Variants in PHF20L1 observed in about 807,000 individuals in gnomAD.
PHF20L1 encodes the protein PHD finger protein 20-like protein 1.
PHF20L1 carries 44 observed loss-of-function variants against 125.5 expected under a neutral mutation model. The observed-to-expected ratio is 0.35, with a 90% CI of 0.28 to 0.45. The LOEUF (loss-of-function observed/expected upper bound fraction) is 0.45. Ranked by LOEUF, PHF20L1 falls within the 20% of genes least tolerant of loss-of-function variation. The pLI is 1.00. For missense variants in PHF20L1, 1,012 were observed against 1,217.2 expected (o/e 0.83, Z 2.51); for synonymous variants, 380 against 403.1 (o/e 0.94, Z 0.69).
intron 9 of PHF20L1, chr8:132,812,849 C>CCTGT: frequency 2.0e-6 from 2 of 981,134 alleles, no homozygotes; most frequent in Non-Finnish European, 2.4e-6. Context: ...TGATAACAGG[C>CCTGT]CTGTAGTCAA....
In PHF20L1 at chr8:132,824,011, G is replaced by A. The variant is rs532278618; in HGVS notation, c.1587G>A (p.Ser529=). The change falls in exon 13 of 21, where the codon TCG becomes TCA. Residue 529 remains serine, a synonymous_variant. Transcript: ENST00000395386. ...GRGAPAAAGI[S]KTEKKVKLED... ...TTTTCCCCTAACCCACAGGAATATC[G>A]AAAACAGAAAAAAAAGTGAAATTGG... 24 of 1,591,812 alleles carry A rather than the reference G, an allele frequency of 1.5e-5. No homozygotes were observed. The highest frequency in any genetic ancestry group is 1.2e-4 in the South Asian group (11 of 89,636).
intron 7 of PHF20L1, 134 bp downstream of exon 7, chr8:132,804,166 G>A (rs1314572663): frequency 1.6e-6 from 1 of 637,086 alleles, no homozygotes; most frequent in Non-Finnish European, 2.7e-6. Context: ...TAATATGATG[G>A]CTAACTTTTT....
chr8:132,832,482 C>A, intron 15 of PHF20L1, 83 bp downstream of exon 15: 1 of 964,004 alleles, frequency 1.0e-6, no homozygotes, highest in Non-Finnish European at 1.6e-6. Flanking sequence ...CTGTTAAGAG[C>A]ATGCGATTTA....
At chr8:132,817,583 A>C (rs1349932760) in intron 12 of PHF20L1, 38 bp downstream of exon 12, 2 of 1,435,480 alleles carry the variant, frequency 1.4e-6, no homozygotes, top group East Asian at 2.4e-5. Context: ...TAAGTAGATA[A>C]GTAGCTAGGC....
intron 14 of PHF20L1, among the ~76,000 whole-genome samples, chr8:132,831,779 C>A (rs1033464718): frequency 3.3e-5 from 5 of 152,100 alleles, no homozygotes; most frequent in African/African-American, 9.6e-5. Context: ...GTTTGCTGCA[C>A]AGATCAACCC....
At chr8:132,782,286 A>T (rs1411126492) in intron 2 of PHF20L1, among the ~76,000 whole-genome samples, 1 of 152,230 alleles carries the variant, frequency 6.6e-6, no homozygotes, top group East Asian at 1.9e-4. Flanking sequence ...AATATGGGTA[A>T]GTCCTTTAAC....
intron 4 of PHF20L1, among the ~76,000 whole-genome samples, chr8:132,796,253 G>A (rs763571052): frequency 9.2e-5 from 14 of 151,992 alleles, no homozygotes; most frequent in Admixed American, 2.0e-4. Context: ...TGAAAGATTC[G>A]TTTATAGGTG....
At position 132,845,765 on chromosome 8, in the gene PHF20L1, T is replaced by A. The variant is rs546930589; in HGVS notation, c.2912-16T>A. ...CAGTTGCAGTTTAAATTTGTTTATC[T>A]TCTTCTCTCTTTTAGTTCTGGAAAG... is the stretch of plus-strand genomic sequence containing the variant. On this transcript the variant is annotated splice_polypyrimidine_tract_variant and intron_variant, in intron 20 of 20. Transcript: ENST00000395386. The A allele has an allele frequency of 2.0e-5, 31 of 1,581,534 alleles. 1 individual carries two copies. The South Asian group carries it at 3.0e-4, about 15-fold the overall frequency.
chr8:132,778,786 A>T (rs1476206323), intron 2 of PHF20L1, among the ~76,000 whole-genome samples: 1 of 152,098 alleles, frequency 6.6e-6, no homozygotes, highest in Non-Finnish European at 1.5e-5. Context: ...TCCTAACCTG[A>T]GAGGGGCATT....
At chr8:132,807,308 A>G (rs1434946298) in intron 8 of PHF20L1, 3 of 165,110 alleles carry the variant, frequency 1.8e-5, no homozygotes, top group Admixed American at 6.1e-5. Context: ...GAAATAAACA[A>G]TTTTACTTAG....
intron 20 of PHF20L1, 144 bp from the exon 21 acceptor site, chr8:132,845,637 C>T (rs1339278042): frequency 4.5e-5 from 28 of 619,708 alleles, no homozygotes; most frequent in East Asian, 5.5e-5. Flanking sequence ...GCTAACCTCT[C>T]GGAAATGTCT....
At chr8:132,841,012 T>G (rs908427542) in intron 18 of PHF20L1, among the ~76,000 whole-genome samples, 3 of 152,136 alleles carry the variant, frequency 2.0e-5, no homozygotes, top group Non-Finnish European at 4.4e-5. Context: ...ATGTAAGTGC[T>G]AAGACTTAAG....
At chr8:132,788,646 A>G (rs1200659859) in intron 2 of PHF20L1, among the ~76,000 whole-genome samples, 1 of 152,036 alleles carries the variant, frequency 6.6e-6, no homozygotes, top group Non-Finnish European at 1.5e-5. Context: ...ATATATTTTA[A>G]ATTAGAAGAT....
chr8:132,840,672 G>A (rs180858290), intron 18 of PHF20L1, among the ~76,000 whole-genome samples: 60 of 151,972 alleles, frequency 3.9e-4, no homozygotes, highest in Non-Finnish European at 6.8e-4. Context: ...CTTTTCCATC[G>A]CTCTAGGCCT....
At chr8:132,844,385 T>A in intron 20 of PHF20L1, 67 bp downstream of exon 20, 1 of 1,269,168 alleles carries the variant, frequency 7.9e-7, no homozygotes, top group Non-Finnish European at 1.1e-6. Flanking sequence ...AGAAGTTACT[T>A]AAAATTCTTA....
intron 12 of PHF20L1, among the ~76,000 whole-genome samples, chr8:132,819,588 C>G (rs1238740437): frequency 6.6e-6 from 1 of 151,552 alleles, no homozygotes; most frequent in Non-Finnish European, 1.5e-5. Flanking sequence ...GTTATTCACC[C>G]TCTCTTGACT....
chr8:132,798,939 TA>T, intron 5 of PHF20L1, 79 bp downstream of exon 5: 1 of 1,121,178 alleles, frequency 8.9e-7, no homozygotes, highest in South Asian at 1.5e-5. Context: ...TTTATATGTA[TA>T]TTTTTTAAAA....
At chr8:132,797,256 A>G (rs1832507254) in intron 4 of PHF20L1, among the ~76,000 whole-genome samples, 2 of 152,224 alleles carry the variant, frequency 1.3e-5, no homozygotes, top group South Asian at 4.1e-4. Flanking sequence ...CAGAAGGGCA[A>G]AAGAAGCCAT....
intron 8 of PHF20L1, chr8:132,807,655 C>T (rs1833889644): frequency 2.2e-6 from 1 of 444,640 alleles, no homozygotes; most frequent in Non-Finnish European, 4.5e-6. Context: ...AACCACTTTG[C>T]TCTTTCTTTG....
Sources: allele counts gnomAD v4.1 joint callset (sites outside exome capture counted in the v4.1 genomes callset), GRCh38; gene constraint gnomAD v4.1.1; transcripts MANE v1.5; gene names NCBI Gene and HGNC (gene_info 2026-07-23, HGNC 2026-07-21).